Variants in ZMYM5 observed in about 807,000 individuals in gnomAD.
The protein encoded by ZMYM5 is zinc finger MYM-type protein 5.
Under a neutral mutation model 61.8 loss-of-function variants are expected in ZMYM5, and 41 were observed. That is an observed-to-expected ratio of 0.66 (90% CI 0.52 to 0.86). The LOEUF is 0.86. ZMYM5 is among the 40% of genes least tolerant of loss of function. ZMYM5 has a pLI of 0.00. For missense variants in ZMYM5, 706 were observed against 786.7 expected (o/e 0.90, Z 1.23); for synonymous variants, 257 against 276.4 (o/e 0.93, Z 0.70).
chr13:19,853,155 C>T (rs1331224241), intron 2 of ZMYM5, among the ~76,000 whole-genome samples: 2 of 152,168 alleles, frequency 1.3e-5, no homozygotes, highest in South Asian at 2.1e-4. Flanking sequence ...CTTGGCCTAG[C>T]CCCAAATTCT....
chr13:19,846,869 G>C (rs1020612665), intron 4 of ZMYM5, among the ~76,000 whole-genome samples: 5 of 152,106 alleles, frequency 3.3e-5, no homozygotes, highest in Admixed American at 1.3e-4. Flanking sequence ...TGAGGCTGCA[G>C]TGAGCTATGA....
chr13:19,830,713 A>G (rs539572534), intron 7 of ZMYM5, among the ~76,000 whole-genome samples: 1 of 151,642 alleles, frequency 6.6e-6, no homozygotes, highest in South Asian at 2.1e-4. Flanking sequence ...TTTTGTAGAG[A>G]CAGGGGCTCA....
At chr13:19,858,657 C>T (rs1443186658) in intron 2 of ZMYM5, among the ~76,000 whole-genome samples, 3 of 151,298 alleles carry the variant, frequency 2.0e-5, no homozygotes, top group African/African-American at 7.3e-5. Context: ...TCCAAAACTC[C>T]CCTAAACAGG....
At chr13:19,852,312 T>G (rs1953344999) in intron 2 of ZMYM5, 122 bp from the exon 3 acceptor site, 1 of 1,059,962 alleles carries the variant, frequency 9.4e-7, no homozygotes, top group Non-Finnish European at 1.3e-6. Flanking sequence ...ATCCATTTTG[T>G]TTTTCCTCTA....
chr13:19,825,790 C>T (rs1037738740), intron 7 of ZMYM5, among the ~76,000 whole-genome samples: 35 of 152,126 alleles, frequency 2.3e-4, no homozygotes, highest in African/African-American at 8.2e-4. Context: ...CCTATAATCC[C>T]AGCACTTTGG....
At chr13:19,837,024 G>GTTTTTTTTTTTT (rs11449895) in intron 6 of ZMYM5, among the ~76,000 whole-genome samples, 1 of 143,888 alleles carries the variant, frequency 6.9e-6, no homozygotes, top group Admixed American at 7.0e-5. Context: ...GTTGTTTTTT[G>GTTTTTTTTTTTT]TTTTTTTTTT....
intron 6 of ZMYM5, among the ~76,000 whole-genome samples, chr13:19,836,508 A>C (rs1279453692): frequency 6.6e-6 from 1 of 152,086 alleles, no homozygotes; most frequent in Non-Finnish European, 1.5e-5. Context: ...GCAGTGGTAC[A>C]ATCATAGCTC....
At chr13:19,860,128 GAAA>G (rs1222756147) in intron 2 of ZMYM5, among the ~76,000 whole-genome samples, 1 of 140,874 alleles carries the variant, frequency 7.1e-6, no homozygotes, top group Non-Finnish European at 1.5e-5. Flanking sequence ...AAAAAAAGAG[GAAA>G]AAAAAAGAAT....
intron 4 of ZMYM5, among the ~76,000 whole-genome samples, chr13:19,841,529 T>A (rs1430220023): frequency 6.6e-6 from 1 of 152,172 alleles, no homozygotes; most frequent in Non-Finnish European, 1.5e-5. Context: ...CTTTATACAT[T>A]TTGTCATTTT....
chr13:19,825,027 T>G lies in ZMYM5; in HGVS notation c.1460A>C (p.Asn487Thr). The G allele has an allele frequency of 7.3e-7, 1 of 1,367,662 alleles. No homozygotes were observed. Among genetic ancestry groups the G allele is most frequent in the Non-Finnish European group, 9.8e-7 (1 of 1,021,852 alleles). 84.7% of individuals were successfully genotyped at this position (1,367,662 alleles called of 1,614,324 possible). A position where few individuals can be genotyped will look rare whatever the true frequency, so the allele number is the denominator to read the frequency against. ...GGTTGACGTGGAAGAAGGAGGTAAATTCACATTCTCTTGGATCAGTAATGT... is the reference window on the plus strand; with the variant it reads ...GGTTGACGTGGAAGAAGGAGGTAAAGTCACATTCTCTTGGATCAGTAATGT... ...TDTLLIQENV[N>T]LPPSSTSTIA... Residue 487 changes from asparagine (N) to threonine (T), a missense_variant, in exon 8 of 8, where the codon AAT becomes ACT. Coordinates refer to ENST00000337963, the MANE Select transcript of ZMYM5 (RefSeq NM_001142684.2).
rs1490118263 is a variant in ZMYM5, at chr13:19,841,906, T to G, written c.587-2921A>C. 6 of 152,268 alleles carry G rather than the reference T, an allele frequency of 3.9e-5. No individual in the cohort carries two copies. The East Asian group carries it at 1.2e-3, about 29-fold the overall frequency. The allele number at this position is 152,268 out of a possible 1,614,324, so 9.4% of individuals were successfully genotyped here. A position where few individuals can be genotyped will look rare whatever the true frequency, so the allele number is the denominator to read the frequency against. ...ATCTCAGCTCACTGCAAGCTCTGCC[T>G]CCTGGGTTTGCACCATTCTCCTGCG... On this transcript the variant is annotated intron_variant, in intron 4 of 7. Transcript: ENST00000337963.
chr13:19,852,169 A>G lies in ZMYM5; in HGVS notation c.12T>C (p.Cys4=). Residue 4 remains cysteine (C), a synonymous_variant, in exon 3 of 8, where the codon TGT becomes TGC. Transcript: ENST00000337963. MEK[C]SVGGLELTEQ... is the part of the protein sequence containing the mutation. ...CAGTCAACTCTAATCCTCCCACTGA[A>G]CATTTTTCCATGCCAATGAACCTGT... 2.5e-6 allele frequency: 4 copies of G among 1,593,544 alleles called. No individual in the cohort carries two copies. Among genetic ancestry groups the G allele is most frequent in the Non-Finnish European group, 3.4e-6 (4 of 1,173,354 alleles).
intron 3 of ZMYM5, 74 bp from the exon 4 acceptor site, chr13:19,851,522 T>C: frequency 6.4e-7 from 1 of 1,572,456 alleles, no homozygotes. Flanking sequence ...TTTAGCGACA[T>C]CTCCCAAGTT....
chr13:19,825,215 T>C lies in ZMYM5; in HGVS notation c.1272A>G (p.Lys424=), dbSNP rs771682911. The C allele has an allele frequency of 7.9e-6, 10 of 1,264,468 alleles. No homozygotes were observed. Among genetic ancestry groups the C allele is most frequent in the Non-Finnish European group, 1.0e-5 (10 of 977,544 alleles). The allele number at this position is 1,264,468 out of a possible 1,614,324, so 78.3% of individuals were successfully genotyped here. A position where few individuals can be genotyped will look rare whatever the true frequency, so the allele number is the denominator to read the frequency against. Reference sequence around the variant, plus strand: ...TTCTATTTTCTGATGCTGTTAATTTTTTTGATTTTGTTTCCATCATCTGAG... The same window carrying C: ...TTCTATTTTCTGATGCTGTTAATTTCTTTGATTTTGTTTCCATCATCTGAG... ...EYKQMMETKS[K]KLTASENRKR... The change falls in exon 8 of 8, where the codon AAA becomes AAG. Residue 424 remains lysine, a synonymous_variant. Transcript: ENST00000337963.
chr13:19,858,067 A>G (rs1322472786), intron 2 of ZMYM5, among the ~76,000 whole-genome samples: 2 of 151,042 alleles, frequency 1.3e-5, no homozygotes, highest in Non-Finnish European at 3.0e-5. Context: ...ATGGTGGTGC[A>G]CGCCTGTAAT....
Position 19,852,065 on chromosome 13 carries a change from G to A in ZMYM5, c.116C>T (p.Ala39Val), listed in dbSNP as rs992879845. 3 of 1,613,922 alleles carry A rather than the reference G, an allele frequency of 1.9e-6. No individual in the cohort carries two copies. Among genetic ancestry groups the A allele is most frequent in the Non-Finnish European group, 2.5e-6 (3 of 1,180,002 alleles). The stretch of plus-strand genomic sequence containing the variant: ...CCTAGATCTACTGACTAAAGGACAA[G>A]CTGGATGACCAAATGAATCCCCTAT... ...MDIGDSFGHPACPLVSRSRNS... is the reference protein window; with the variant it reads ...MDIGDSFGHPVCPLVSRSRNS... The change falls in exon 3 of 8, where the codon GCT becomes GTT. Residue 39 changes from alanine (A) to valine (V), a missense_variant. By Grantham distance (64) the Ala-to-Val change is moderately conservative. Transcript: ENST00000337963.
intron 4 of ZMYM5, among the ~76,000 whole-genome samples, chr13:19,840,501 G>A (rs1172643589): frequency 6.6e-6 from 1 of 152,058 alleles, no homozygotes; most frequent in Non-Finnish European, 1.5e-5. Flanking sequence ...AGCTTCTTGA[G>A]TAGCTGGGAC....
intron 1 of ZMYM5, among the ~76,000 whole-genome samples, 166 bp downstream of exon 1, chr13:19,863,284 G>A (rs1593938806): frequency 6.7e-6 from 1 of 149,104 alleles, no homozygotes; most frequent in African/African-American, 2.5e-5. Context: ...CACTCTCCCA[G>A]CCCCTCAGGC....
intron 7 of ZMYM5, among the ~76,000 whole-genome samples, chr13:19,830,848 T>C (rs1181330960): frequency 1.6e-4 from 23 of 147,074 alleles, no homozygotes; most frequent in Admixed American, 1.4e-3. Context: ...TCTTTTTTTT[T>C]TTTTTTTTTG....
Sources: allele counts gnomAD v4.1 joint callset (sites outside exome capture counted in the v4.1 genomes callset), GRCh38; gene constraint gnomAD v4.1.1; transcripts MANE v1.5; gene names NCBI Gene and HGNC (gene_info 2026-07-23, HGNC 2026-07-21).